The following GUK1 variants were observed in gnomAD, a reference collection of about 807,000 sequenced individuals.
The protein encoded by GUK1 is guanylate kinase 1.
A neutral mutation model predicts 25.2 loss-of-function variants in GUK1; 18 were observed. The observed-to-expected ratio is 0.71, with a 90% CI of 0.49 to 1.06. GUK1 has a LOEUF of 1.06. GUK1 is among the 50% of genes least tolerant of loss of function. The probability of loss-of-function intolerance (pLI) is 0.00; values close to 1 mark genes in which losing one functional copy is unlikely to be tolerated. For missense variants in GUK1, 261 were observed against 276.7 expected, an observed-to-expected ratio of 0.94 and a Z score of 0.40; for synonymous variants, 105 against 117.6, an observed-to-expected ratio of 0.89 and a Z score of 0.69.
Position 228,148,453 on chromosome 1 carries a change from T to A in GUK1, c.558T>A (p.Ser186=). The change falls in exon 8 of 9, where the codon TCT becomes TCA. Residue 186 remains serine (S), a synonymous_variant. Coordinates refer to ENST00000312726, the MANE Select transcript of GUK1 (RefSeq NM_000858.7). Reference sequence around the variant, plus strand: ...ACGCAGAGCTGAAGGAGGCGCTCTCTGAGGTGGGCCCATCCTTGTGCCTAC... The same window carrying A: ...ACGCAGAGCTGAAGGAGGCGCTCTCAGAGGTGGGCCCATCCTTGTGCCTAC... The A allele has an allele frequency of 6.4e-7, 1 of 1,570,060 alleles. No homozygotes were observed. Among genetic ancestry groups the A allele is most frequent in the Non-Finnish European group, 8.6e-7 (1 of 1,156,438 alleles).
chr1:228,148,372 C>T lies in GUK1; in HGVS notation c.477C>T (p.Ser159=), dbSNP rs372471478. The stretch of plus-strand genomic sequence containing the variant: ...CCTGACCCCAGGCCCCACCCACAGG[C>T]AAGGAGCCCGGCCTGTTTGATGTGG... The change falls in exon 8 of 9, where the codon AGC becomes AGT. Residue 159 remains serine (S), a splice_region_variant and synonymous_variant. Coordinates refer to ENST00000312726, the MANE Select transcript of GUK1 (RefSeq NM_000858.7). 6.3e-5 allele frequency: 98 copies of T among 1,556,194 alleles called. No homozygotes were observed. Among genetic ancestry groups the T allele is most frequent in the Non-Finnish European group, 7.6e-5 (87 of 1,145,120 alleles).
chr1:228,141,038 G>A (rs562236372), intron 1 of GUK1: 4 of 520,794 alleles, frequency 7.7e-6, no homozygotes, highest in Non-Finnish European at 9.9e-6. Context: ...CCTCGGTTTC[G>A]TCTTTGCATG....
At chr1:228,144,629 G>A (rs542339726) in intron 2 of GUK1, 2 of 692,082 alleles carry the variant, frequency 2.9e-6, no homozygotes, top group East Asian at 1.3e-4. Flanking sequence ...GGATTTATTC[G>A]TGGCTTAGAA....
In GUK1 at chr1:228,148,756, G is replaced by GC. The variant is rs1476291165; in HGVS notation, c.*61dup. 6.2e-7 allele frequency: 1 copy of GC among 1,611,336 alleles called. No individual in the cohort carries two copies. The highest frequency in any genetic ancestry group is 8.5e-7 in the Non-Finnish European group (1 of 1,179,646). On this transcript the variant is annotated 3_prime_UTR_variant, in exon 9 of 9. Transcript: ENST00000312726. ...TACAGGACCAGGGCAGCAGCATTGA[G>GC]CCACCCCCTTGGCAGGCGATACGGC...
intron 2 of GUK1, among the ~76,000 whole-genome samples, chr1:228,143,798 G>A (rs112179347): frequency 1.2e-4 from 18 of 152,304 alleles, no homozygotes; most frequent in Middle Eastern, 3.4e-3. Context: ...CAAATTCTGC[G>A]GGTGGGAGAG....
intron 2 of GUK1, among the ~76,000 whole-genome samples, chr1:228,143,873 G>A (rs72756238): frequency 0.03 from 4,572 of 152,312 alleles, 106 homozygotes; most frequent in Non-Finnish European, 0.047. Context: ...AAGCCCAGAA[G>A]AGGCAGTAAG....
Position 228,147,454 on chromosome 1 carries a change from G to T in GUK1, c.300G>T (p.Leu100=), listed in dbSNP as rs2034445453. The T allele has an allele frequency of 6.2e-7, 1 of 1,612,820 alleles. No individual in the cohort carries two copies. The highest frequency in any genetic ancestry group is 1.1e-5 in the South Asian group (1 of 91,080). Residue 100 remains leucine, a synonymous_variant, in exon 6 of 9, where the codon CTG becomes CTT. Coordinates refer to ENST00000312726, the MANE Select transcript of GUK1 (RefSeq NM_000858.7). ...AGGCCATGAACCGCATCTGTGTGCTGGACGTGGACCTGCAGGGTGTGCGGA... is the reference window on the plus strand; with the variant it reads ...AGGCCATGAACCGCATCTGTGTGCTTGACGTGGACCTGCAGGGTGTGCGGA...
At position 228,148,450 on chromosome 1, in the gene GUK1, C is replaced by T. The variant is rs775802390; in HGVS notation, c.555C>T (p.Leu185=). The T allele has an allele frequency of 6.4e-6, 10 of 1,571,388 alleles. No homozygotes were observed. The highest frequency in any genetic ancestry group is 1.2e-5 in the South Asian group (1 of 86,064). ...CCTACGCAGAGCTGAAGGAGGCGCT[C>T]TCTGAGGTGGGCCCATCCTTGTGCC... is the stretch of plus-strand genomic sequence containing the variant. Residue 185 remains leucine, a synonymous_variant, in exon 8 of 9, where the codon CTC becomes CTT. Coordinates refer to ENST00000312726, the MANE Select transcript of GUK1 (RefSeq NM_000858.7).
intron 1 of GUK1, among the ~76,000 whole-genome samples, chr1:228,140,659 A>G (rs1571878616): frequency 6.6e-6 from 1 of 152,230 alleles, no homozygotes; most frequent in South Asian, 2.1e-4. Context: ...TCTTCCCGAC[A>G]CCTGGGCGCG....
intron 2 of GUK1, chr1:228,145,305 G>A (rs1040993105): frequency 6.5e-6 from 3 of 461,096 alleles, no homozygotes; most frequent in Non-Finnish European, 1.1e-5. Flanking sequence ...CCAGAGCCTG[G>A]TCTGAGGGCC....
At chr1:228,140,572 G>T (rs2033988342) in intron 1 of GUK1, among the ~76,000 whole-genome samples, 1 of 152,256 alleles carries the variant, frequency 6.6e-6, no homozygotes, top group African/African-American at 2.4e-5. Flanking sequence ...GGAGGGCGGG[G>T]CGCTCCTCAG....
intron 7 of GUK1, 90 bp from the exon 7 acceptor site, chr1:228,148,281 G>A (rs41310547): frequency 2.0e-5 from 19 of 931,812 alleles, no homozygotes; most frequent in East Asian, 7.4e-5. Context: ...GAGGACAGCC[G>A]CAGGCCAGTG....
chr1:228,147,982 A>G, intron 7 of GUK1: 2 of 583,202 alleles, frequency 3.4e-6, no homozygotes, highest in South Asian at 4.3e-5. Context: ...GTCCCATGAG[A>G]TGTCCCCAAC....
At chr1:228,146,707 G>T in intron 4 of GUK1, 135 bp from the exon 4 acceptor site, 2 of 668,274 alleles carry the variant, frequency 3.0e-6, no homozygotes, top group Non-Finnish European at 5.5e-6. Flanking sequence ...GATGTCTCCT[G>T]CCCAGCAAGG....
intron 2 of GUK1, 199 bp from the exon 2 acceptor site, chr1:228,145,312 G>A (rs1191353169): frequency 6.1e-6 from 3 of 493,996 alleles, no homozygotes; most frequent in Non-Finnish European, 1.1e-5. Flanking sequence ...CTGGTCTGAG[G>A]GCCGCCCTGT....
chr1:228,148,346 C>T (rs1413009094), intron 7 of GUK1, 25 bp from the exon 7 acceptor site: 2 of 1,530,716 alleles, frequency 1.3e-6, no homozygotes, highest in East Asian at 2.3e-5. Flanking sequence ...GCTCACTGTG[C>T]CCTGACCCCA....
At chr1:228,146,518 T>G in intron 4 of GUK1, 1 of 428,808 alleles carries the variant, frequency 2.3e-6, no homozygotes, top group Non-Finnish European at 4.3e-6. Flanking sequence ...CTCTGTAACC[T>G]GACGGTCTCC....
chr1:228,146,507 C>G, intron 4 of GUK1: 1 of 456,414 alleles, frequency 2.2e-6, no homozygotes, highest in Non-Finnish European at 4.0e-6. Context: ...CACATCGTCC[C>G]CTCTGTAACC....
At chr1:228,140,165 T>C (rs2033961403), upstream of GUK1, 1 of 729,496 alleles carries the variant, frequency 1.4e-6, no homozygotes, top group Non-Finnish European at 2.2e-6. Flanking sequence ...CTGAGGTAAG[T>C]ACTTCCCTAA....
Sources: allele counts gnomAD v4.1 joint callset (sites outside exome capture counted in the v4.1 genomes callset), GRCh38; gene constraint gnomAD v4.1.1; transcripts MANE v1.5; gene names NCBI Gene and HGNC (gene_info 2026-07-23, HGNC 2026-07-21).